SPA17: variants seen among roughly 807,000 people sequenced by gnomAD.
SPA17 encodes the protein sperm surface protein Sp17.
In SPA17, 7 loss-of-function variants were observed where a neutral mutation model predicts 13.8. The ratio of observed to expected loss-of-function variants is 0.51; its 90% confidence interval spans 0.29 to 0.95. The LOEUF (loss-of-function observed/expected upper bound fraction) is 0.95. Ranked by LOEUF, SPA17 falls within the 40% of genes least tolerant of loss-of-function variation. The pLI, the probability that SPA17 is intolerant of heterozygous loss-of-function variation, is 0.08. For missense variants in SPA17, 170 were observed against 179.3 expected, an observed-to-expected ratio of 0.95 and a Z score of 0.30; for synonymous variants, 61 against 59.0, an observed-to-expected ratio of 1.03 and a Z score of -0.16.
Position 124,697,341 on chromosome 11 carries a change from C to T in SPA17, c.*2895C>T, listed in dbSNP as rs983068271. 1 of 152,284 alleles carries T rather than the reference C, an allele frequency of 6.6e-6. No homozygotes were observed. The highest frequency in any genetic ancestry group is 1.5e-5 in the Non-Finnish European group (1 of 68,102). The allele number at this position is 152,284 out of a possible 1,614,324, so 9.4% of individuals were successfully genotyped here. A position where few individuals can be genotyped will look rare whatever the true frequency, so the allele number is the denominator to read the frequency against. On this transcript the variant is annotated 3_prime_UTR_variant, in exon 5 of 5. Transcript: ENST00000227135. ...TCTAAGCTGTGGGTTTGTGGGCTGA[C>T]AGGAAGGTCTGCTTCAGGCTGTGGG...
intron 2 of SPA17, among the ~76,000 whole-genome samples, chr11:124,677,697 C>A (rs1482577369): frequency 2.0e-5 from 3 of 151,998 alleles, no homozygotes; most frequent in African/African-American, 7.2e-5. Context: ...GTGAGGAAAA[C>A]AAAACTACAA....
intron 2 of SPA17, among the ~76,000 whole-genome samples, chr11:124,680,068 G>T (rs1281621274): frequency 6.6e-6 from 1 of 152,102 alleles, no homozygotes; most frequent in Non-Finnish European, 1.5e-5. Flanking sequence ...CTGTTCTTCG[G>T]AGTAACCAAA....
intron 4 of SPA17, among the ~76,000 whole-genome samples, chr11:124,693,401 AAG>A (rs2134420439): frequency 6.6e-6 from 1 of 152,252 alleles, no homozygotes; most frequent in South Asian, 2.1e-4. Flanking sequence ...AATACAGAAA[AAG>A]AGAACCAAGA....
rs1315511158 is a variant in SPA17 at position 124,675,399 on chromosome 11, C to G, written c.135C>G (p.Ser45Arg). 1 of 1,611,410 alleles carries G rather than the reference C, an allele frequency of 6.2e-7. No individual in the cohort carries two copies. Among genetic ancestry groups the G allele is most frequent in the Non-Finnish European group, 8.5e-7 (1 of 1,179,334 alleles). ...IPAFAAAYFE[S>R]LLEKREKTNF... ...CTTTTGCAGCAGCCTATTTTGAGAG[C>G]CTTCTAGAGAAAAGAGAGAGTAAGC... Residue 45 changes from serine (S) to arginine (R), a missense_variant, in exon 2 of 5, where the codon AGC becomes AGG. By Grantham distance (110) the Ser-to-Arg change is moderately radical (BLOSUM62 -1). Transcript: ENST00000227135.
chr11:124,696,004 A>G lies in SPA17; in HGVS notation c.*1558A>G, dbSNP rs749455733. The stretch of plus-strand genomic sequence containing the variant: ...TCCCCCAAGTGATCGCCACTCAAAC[A>G]CAGTTGATTCACACCAACCCTTTCA... On this transcript the variant is annotated 3_prime_UTR_variant, in exon 5 of 5. Coordinates refer to ENST00000227135, the MANE Select transcript of SPA17 (RefSeq NM_017425.4). 1 of 152,216 alleles carries G rather than the reference A, an allele frequency of 6.6e-6. No homozygotes were observed. The highest frequency in any genetic ancestry group is 1.5e-5 in the Non-Finnish European group (1 of 68,050). The allele number at this position is 152,216 out of a possible 1,614,324, so 9.4% of individuals were successfully genotyped here. A position where few individuals can be genotyped will look rare whatever the true frequency, so the allele number is the denominator to read the frequency against.
rs750924871 is a variant in SPA17 at position 124,677,396 on chromosome 11, G to A, written c.154+1978G>A. ...AGTATATGATTTAAATGGTATTTCA[G>A]GTCACTAGGAAAAAGGTGGACTTTT... On this transcript the variant is annotated intron_variant, in intron 2 of 4. Transcript: ENST00000227135. Among the ~76,000 whole-genome samples, 135 of 152,148 alleles carry A rather than the reference G, an allele frequency of 8.9e-4. No homozygotes were observed. In the Middle Eastern group the frequency reaches 0.014, roughly 15 times the overall value.
chr11:124,678,705 G>A (rs1360427603), intron 2 of SPA17, among the ~76,000 whole-genome samples: 1 of 152,012 alleles, frequency 6.6e-6, no homozygotes, highest in Non-Finnish European at 1.5e-5. Flanking sequence ...GCACAAACAC[G>A]CTGGGCTAAT....
Position 124,681,422 on chromosome 11 carries a change from A to C in SPA17, c.188A>C (p.Lys63Thr). 6.3e-7 allele frequency: 1 copy of C among 1,581,952 alleles called. No homozygotes were observed. Among genetic ancestry groups the C allele is most frequent in the South Asian group, 1.2e-5 (1 of 86,302 alleles). Residue 63 changes from lysine to threonine, a missense_variant, in exon 3 of 5, where the codon AAG becomes ACG. By Grantham distance (78) the Lys-to-Thr change is moderately conservative. Coordinates refer to ENST00000227135, the MANE Select transcript of SPA17 (RefSeq NM_017425.4). ...TTTGATCCAGCAGAATGGGGGAGTA[A>C]GGTAGAAGACCGCTTCTATAACAAT... ...TNFDPAEWGSKVEDRFYNNHA... is the reference protein window; with the variant it reads ...TNFDPAEWGSTVEDRFYNNHA...
intron 3 of SPA17, among the ~76,000 whole-genome samples, chr11:124,684,871 C>G (rs1221394208): frequency 6.6e-6 from 1 of 152,186 alleles, no homozygotes; most frequent in Non-Finnish European, 1.5e-5. Flanking sequence ...CCCTAAAGAT[C>G]TGTGGAACTT....
At chr11:124,683,566 T>C (rs1943547597) in intron 3 of SPA17, among the ~76,000 whole-genome samples, 1 of 149,656 alleles carries the variant, frequency 6.7e-6, no homozygotes, top group African/African-American at 2.5e-5. Flanking sequence ...GATTCAACTA[T>C]ATGCTGCTAA....
chr11:124,685,530 C>T (rs1943570058), intron 3 of SPA17, among the ~76,000 whole-genome samples: 2 of 152,226 alleles, frequency 1.3e-5, no homozygotes, highest in South Asian at 4.1e-4. Flanking sequence ...CCCACTGGGG[C>T]ACTGCCTGGT....
At chr11:124,675,067 C>A in intron 1 of SPA17, 171 bp from the exon 2 acceptor site, 1 of 569,204 alleles carries the variant, frequency 1.8e-6, no homozygotes, top group Non-Finnish European at 2.9e-6. Context: ...TACTAATTCA[C>A]AATGGAGATT....
intron 3 of SPA17, 122 bp downstream of exon 3, chr11:124,681,581 A>T: frequency 5.3e-6 from 2 of 377,284 alleles, no homozygotes; most frequent in Non-Finnish European, 9.1e-6. Context: ...AACTTATTAA[A>T]TCTTATTAAA....
intron 2 of SPA17, among the ~76,000 whole-genome samples, chr11:124,677,589 A>G (rs1310081610): frequency 6.6e-6 from 1 of 152,214 alleles, no homozygotes; most frequent in African/African-American, 2.4e-5. Flanking sequence ...TTTGCTAGCT[A>G]AATTGCTTTA....
chr11:124,682,672 G>A (rs149796042), intron 3 of SPA17, among the ~76,000 whole-genome samples: 9 of 152,096 alleles, frequency 5.9e-5, no homozygotes, highest in Admixed American at 5.9e-4. Flanking sequence ...TTGAATACAG[G>A]TCTGAAACAA....
intron 3 of SPA17, among the ~76,000 whole-genome samples, chr11:124,687,643 C>T (rs1470868690): frequency 2.0e-5 from 3 of 152,060 alleles, no homozygotes; most frequent in Non-Finnish European, 2.9e-5. Context: ...AAGGATGGTT[C>T]AACATATGCA....
At position 124,694,706 on chromosome 11, in the gene SPA17, T is replaced by C. The variant is rs781366653; in HGVS notation, c.*260T>C. 3 of 321,324 alleles carry C rather than the reference T, an allele frequency of 9.3e-6. No homozygotes were observed. The highest frequency in any genetic ancestry group is 1.7e-5 in the Non-Finnish European group (3 of 176,860). The allele number at this position is 321,324 out of a possible 1,614,324, so 19.9% of individuals were successfully genotyped here. On this transcript the variant is annotated 3_prime_UTR_variant, in exon 5 of 5. Transcript: ENST00000227135. ...ACCCTTGGATTTAGAATTATAGAAC[T>C]AAAGTATCTGAGATTACAGAGATCT...
chr11:124,679,135 CA>C (rs1239970697), intron 2 of SPA17, among the ~76,000 whole-genome samples: 1,855 of 66,714 alleles, frequency 0.028, 9 homozygotes, highest in Middle Eastern at 0.052. Flanking sequence ...GACTCTGTCT[CA>C]AAAAAAAAAA....
At chr11:124,693,958 CT>C (rs1168974169) in intron 4 of SPA17, among the ~76,000 whole-genome samples, 2 of 152,128 alleles carry the variant, frequency 1.3e-5, no homozygotes, top group African/African-American at 4.8e-5. Context: ...GTTCTTTCTT[CT>C]TAACATTTTT....
Sources: gnomAD v4.1 joint callset for allele counts (sites outside exome capture counted in the v4.1 genomes callset) on GRCh38, gnomAD v4.1.1 for gene constraint, MANE v1.5 for transcripts, NCBI Gene and HGNC (gene_info 2026-07-23, HGNC 2026-07-21) for gene names.